GSG1L: variants seen among roughly 807,000 people sequenced by gnomAD.
GSG1L encodes GSG1 like.
Under a neutral mutation model 42.1 loss-of-function variants are expected in GSG1L, and 24 were observed. The observed-to-expected ratio is 0.57, with a 90% CI of 0.41 to 0.80. The LOEUF (loss-of-function observed/expected upper bound fraction) is 0.80. Among genes scored for constraint, GSG1L ranks in the 30% least tolerant of loss-of-function variants. The pLI, the probability that GSG1L is intolerant of heterozygous loss-of-function variation, is 0.00. For missense variants in GSG1L, 445 were observed against 472.2 expected (o/e 0.94, Z 0.53); for synonymous variants, 215 against 203.5 (o/e 1.06, Z -0.48).
At chr16:27,871,115 T>C (rs1025906239) in intron 3 of GSG1L, among the ~76,000 whole-genome samples, 2 of 152,178 alleles carry the variant, frequency 1.3e-5, no homozygotes, top group African/African-American at 4.8e-5. Flanking sequence ...TGATTCCGTG[T>C]CCAGCCAGTC....
chr16:27,973,927 C>T (rs970168143), intron 1 of GSG1L, among the ~76,000 whole-genome samples: 2 of 152,166 alleles, frequency 1.3e-5, no homozygotes, highest in African/African-American at 4.8e-5. Flanking sequence ...CCTGGCCCTG[C>T]GCCTTCCATT....
intron 2 of GSG1L, among the ~76,000 whole-genome samples, chr16:27,914,290 A>G (rs55915882): frequency 0.017 from 2,590 of 152,228 alleles, 36 homozygotes; most frequent in Middle Eastern, 0.027. Flanking sequence ...GACTGGAAAC[A>G]ATATGAATGG....
At chr16:27,858,603 C>T (rs756901405) in intron 3 of GSG1L, among the ~76,000 whole-genome samples, 1 of 152,160 alleles carries the variant, frequency 6.6e-6, no homozygotes, top group Non-Finnish European at 1.5e-5. Flanking sequence ...AAGGTCCCTG[C>T]CCTCAAGGAG....
intron 2 of GSG1L, among the ~76,000 whole-genome samples, chr16:27,953,641 G>A (rs1048698676): frequency 3.9e-5 from 6 of 152,156 alleles, no homozygotes; most frequent in South Asian, 2.1e-4. Context: ...CACTTTGGGA[G>A]GCCAAGGTGG....
chr16:27,888,335 G>A (rs2084054608), intron 2 of GSG1L, among the ~76,000 whole-genome samples: 2 of 152,176 alleles, frequency 1.3e-5, no homozygotes, highest in South Asian at 2.1e-4. Context: ...ACTTAACCAT[G>A]GGGAAATAGG....
chr16:28,056,960 G>A (rs1216423287), intron 1 of GSG1L, among the ~76,000 whole-genome samples: 2 of 152,124 alleles, frequency 1.3e-5, no homozygotes, highest in Non-Finnish European at 2.9e-5. Context: ...CATTTGAGCA[G>A]AGACTTGTAC....
chr16:27,872,128 G>A (rs2083829125), intron 3 of GSG1L, among the ~76,000 whole-genome samples: 1 of 152,168 alleles, frequency 6.6e-6, no homozygotes, highest in Non-Finnish European at 1.5e-5. Context: ...CACCTCTGCT[G>A]CCGTATTCCC....
intron 1 of GSG1L, among the ~76,000 whole-genome samples, chr16:28,054,103 G>A (rs2086251903): frequency 6.6e-6 from 1 of 151,930 alleles, no homozygotes; most frequent in Non-Finnish European, 1.5e-5. Flanking sequence ...TGTGTCTCCT[G>A]CCCTCCTCCT....
At chr16:28,017,095 A>G (rs569515835) in intron 1 of GSG1L, among the ~76,000 whole-genome samples, 1 of 152,330 alleles carries the variant, frequency 6.6e-6, no homozygotes, top group East Asian at 1.9e-4. Flanking sequence ...GAGAATATCA[A>G]ATTGGTTTTT....
intron 4 of GSG1L, among the ~76,000 whole-genome samples, chr16:27,832,771 A>G (rs543405045): frequency 2.0e-5 from 3 of 152,306 alleles, no homozygotes; most frequent in South Asian, 2.1e-4. Context: ...CTTTGACAAA[A>G]TGTCTATTGG....
At position 28,063,527 on chromosome 16, in the gene GSG1L, G is replaced by C. The variant is rs2086371122; in HGVS notation, c.-103C>G. The stretch of plus-strand genomic sequence containing the variant: ...GCGGCCGCTGCCCGCCGCGCCCCGG[G>C]GCTCGGGTGCCTGAGATCGGCGGCG... On this transcript the variant is annotated 5_prime_UTR_variant, in exon 1 of 7. Transcript: ENST00000447459. The surrounding 1 kb of genome is among the most constrained non-coding windows in gnomAD (Gnocchi z 5.8). The C allele has an allele frequency of 5.7e-6, 4 of 696,070 alleles. No homozygotes were observed. The highest frequency in any genetic ancestry group is 6.1e-4 in the Middle Eastern group (1 of 1,628). 43.1% of individuals were successfully genotyped at this position (696,070 alleles called of 1,614,324 possible).
At chr16:28,045,982 C>T (rs975574608) in intron 1 of GSG1L, among the ~76,000 whole-genome samples, 1 of 152,062 alleles carries the variant, frequency 6.6e-6, no homozygotes, top group Non-Finnish European at 1.5e-5. Context: ...GGTGACAGAG[C>T]AAGACTCTTT....
chr16:27,898,679 TC>T (rs1439038737), intron 2 of GSG1L, among the ~76,000 whole-genome samples: 2 of 48,076 alleles, frequency 4.2e-5, no homozygotes, highest in Non-Finnish European at 1.3e-4. Flanking sequence ...CCTCTTTCTC[TC>T]TCTCTCTCTC....
At chr16:27,844,477 A>G (rs772959) in intron 4 of GSG1L, among the ~76,000 whole-genome samples, 1 of 151,892 alleles carries the variant, frequency 6.6e-6, no homozygotes, top group Non-Finnish European at 1.5e-5. Flanking sequence ...AGGGGTCGGC[A>G]GGGGGTCAGA....
At chr16:27,866,663 C>A (rs1440172944) in intron 3 of GSG1L, among the ~76,000 whole-genome samples, 2 of 152,162 alleles carry the variant, frequency 1.3e-5, no homozygotes, top group Non-Finnish European at 2.9e-5. Flanking sequence ...CCTCCGCCCC[C>A]CAGGTTCAAG....
chr16:28,006,761 C>G (rs1297051114), intron 1 of GSG1L, among the ~76,000 whole-genome samples: 1 of 152,150 alleles, frequency 6.6e-6, no homozygotes, highest in Non-Finnish European at 1.5e-5. Context: ...AAATGCCAGG[C>G]AAATGGGAGT....
intron 2 of GSG1L, among the ~76,000 whole-genome samples, chr16:27,943,355 A>G (rs1045649076): frequency 6.6e-6 from 1 of 152,020 alleles, no homozygotes; most frequent in African/African-American, 2.4e-5. Context: ...GAATGAACAA[A>G]TAGAAGGTGG....
At chr16:27,907,093 A>G (rs1457159340) in intron 2 of GSG1L, among the ~76,000 whole-genome samples, 1 of 152,208 alleles carries the variant, frequency 6.6e-6, no homozygotes, top group African/African-American at 2.4e-5. Context: ...ACATGACTCA[A>G]GCTGGGCCAA....
At chr16:28,057,318 T>A (rs922669054) in intron 1 of GSG1L, among the ~76,000 whole-genome samples, 1 of 152,060 alleles carries the variant, frequency 6.6e-6, no homozygotes, top group African/African-American at 2.4e-5. Flanking sequence ...TGGGTTCTGA[T>A]TGACCGGCTG....
Sources: gnomAD v4.1 joint callset for allele counts (sites outside exome capture counted in the v4.1 genomes callset) on GRCh38, gnomAD v4.1.1 for gene constraint, Gnocchi (gnomAD v3.1) non-coding constraint, MANE v1.5 for transcripts, NCBI Gene and HGNC (gene_info 2026-07-23, HGNC 2026-07-21) for gene names.